Variants in SQLE observed in about 807,000 individuals in gnomAD.
The protein encoded by SQLE is squalene epoxidase, also known as squalene monooxygenase.
Under a neutral mutation model 60.7 loss-of-function variants are expected in SQLE, and 29 were observed. The observed-to-expected ratio is 0.48, with a 90% CI of 0.36 to 0.65. The LOEUF (loss-of-function observed/expected upper bound fraction) is 0.65. SQLE is among the 30% of genes least tolerant of loss of function. SQLE has a pLI of 0.00. For missense variants in SQLE, 605 were observed against 684.1 expected (o/e 0.88, Z 1.29); for synonymous variants, 237 against 246.8 (o/e 0.96, Z 0.37).
rs113578551 is a variant in SQLE, at chr8:125,016,208, T to TTCTC, written c.1205-1848_1205-1847insCTCT. Among the ~76,000 whole-genome samples, 57,951 of 151,570 alleles carry TTCTC rather than the reference T, an allele frequency of 0.38. 13,031 individuals carry two copies. Among genetic ancestry groups the TTCTC allele is most frequent in the African/African-American group, 0.62 (25,614 of 41,214 alleles). On this transcript the variant is annotated intron_variant, in intron 7 of 10. Transcript: ENST00000265896. The surrounding 1 kb of genome is among the most constrained non-coding windows in gnomAD (Gnocchi z 4.1). ...TCAAATAAACTTTCTACCCTCATCT[T>TTCTC]TCTATCTCCTTTTAAAGGCCAAGAA...
At chr8:125,000,365 G>A (rs904911498) in intron 1 of SQLE, among the ~76,000 whole-genome samples, 1 of 152,188 alleles carries the variant, frequency 6.6e-6, no homozygotes, top group African/African-American at 2.4e-5. Context: ...ATGAGTGTTC[G>A]GGCTTTTTCC....
intron 7 of SQLE, among the ~76,000 whole-genome samples, chr8:125,014,486 A>G (rs1815082000): frequency 6.6e-6 from 1 of 151,838 alleles, no homozygotes; most frequent in Non-Finnish European, 1.5e-5. Context: ...TCTGGTTGAG[A>G]TGCACTGTTA....
At position 125,022,071 on chromosome 8, in the gene SQLE, T is replaced by G; in HGVS notation, c.*126T>G. The stretch of plus-strand genomic sequence containing the variant: ...AAGTGGAAACTCTTGGACCAAGATT[T>G]GGATTAATTTGTTTTTGAAGTTTTT... On this transcript the variant is annotated 3_prime_UTR_variant, in exon 11 of 11. Coordinates refer to ENST00000265896, the MANE Select transcript of SQLE (RefSeq NM_003129.4). 2 of 608,164 alleles carry G rather than the reference T, an allele frequency of 3.3e-6. No individual in the cohort carries two copies. The highest frequency in any genetic ancestry group is 6.8e-5 in the East Asian group (2 of 29,354). 37.7% of individuals were successfully genotyped at this position (608,164 alleles called of 1,614,324 possible). A position where few individuals can be genotyped will look rare whatever the true frequency, so the allele number is the denominator to read the frequency against.
chr8:125,021,642 G>A (rs1815206972), intron 10 of SQLE, 111 bp from the exon 11 acceptor site: 2 of 740,052 alleles, frequency 2.7e-6, no homozygotes, highest in African/African-American at 1.8e-5. Context: ...ATGATGCTTG[G>A]GTAAAAAAAA....
chr8:125,006,620 CAAA>C (rs575609752), intron 3 of SQLE, among the ~76,000 whole-genome samples: 11 of 65,338 alleles, frequency 1.7e-4, no homozygotes, highest in Non-Finnish European at 2.3e-4. Context: ...GACTTGGTCT[CAAA>C]AAAAAAAAAA....
intron 10 of SQLE, among the ~76,000 whole-genome samples, chr8:125,021,543 G>T (rs906175485): frequency 6.6e-6 from 1 of 150,400 alleles, no homozygotes; most frequent in Non-Finnish European, 1.5e-5. Flanking sequence ...AAAAAAAAAG[G>T]GGGGTGGGGG....
intron 4 of SQLE, 92 bp downstream of exon 4, chr8:125,007,579 C>A: frequency 1.4e-6 from 1 of 733,458 alleles, no homozygotes. Flanking sequence ...TACCGGTTTA[C>A]ATGTTGAGTA....
rs1053269637 is a variant in SQLE at position 125,000,176 on chromosome 8, C to G, written c.291+482C>G. 26 of 391,200 alleles carry G rather than the reference C, an allele frequency of 6.6e-5. No individual in the cohort carries two copies. The Admixed American group carries it at 8.5e-4, about 13-fold the overall frequency. The allele number at this position is 391,200 out of a possible 1,614,324, so 24.2% of individuals were successfully genotyped here. On this transcript the variant is annotated intron_variant, in intron 1 of 10. Transcript: ENST00000265896. ...GCTCAACATTTTGAGGCATTGGGCT[C>G]AAAGTTCTCCTCCCCCGAATATTGG...
Position 125,021,923 on chromosome 8 carries a change from A to G in SQLE, c.1703A>G (p.Glu568Gly). The stretch of plus-strand genomic sequence containing the variant: ...GTAATATTTCCTCTAATTTACTCAG[A>G]AATGAAGTATATGGTTCATTAAGCT... ...CSVIFPLIYSEMKYMVH is the reference protein window; with the variant it reads ...CSVIFPLIYSGMKYMVH The change falls in exon 11 of 11, where the codon GAA (glutamate) becomes GGA (glycine). Residue 568 changes from glutamate (E) to glycine (G), a missense_variant. Glu to Gly is a moderately conservative substitution (Grantham distance 98). Transcript: ENST00000265896. 6.2e-7 allele frequency: 1 copy of G among 1,603,340 alleles called. No homozygotes were observed. Among genetic ancestry groups the G allele is most frequent in the Non-Finnish European group, 8.5e-7 (1 of 1,174,018 alleles).
intron 6 of SQLE, chr8:125,011,315 G>A (rs987653522): frequency 2.8e-6 from 1 of 356,306 alleles, no homozygotes; most frequent in African/African-American, 2.1e-5. Flanking sequence ...TTATATTAAT[G>A]TTCTCTTAGA....
chr8:125,003,041 C>T, intron 1 of SQLE, 135 bp from the exon 2 acceptor site: 2 of 693,628 alleles, frequency 2.9e-6, no homozygotes, highest in South Asian at 3.7e-5. Flanking sequence ...TAAAATGTAA[C>T]AATTTGTTTG....
intron 2 of SQLE, 28 bp from the exon 3 acceptor site, chr8:125,005,497 G>A (rs1383574800): frequency 6.6e-7 from 1 of 1,526,544 alleles, no homozygotes; most frequent in South Asian, 1.3e-5. Flanking sequence ...TAACAGAATT[G>A]ATTGTTTTGA....
chr8:125,002,685 C>T (rs1035027997), intron 1 of SQLE, among the ~76,000 whole-genome samples: 5 of 151,966 alleles, frequency 3.3e-5, no homozygotes, highest in Non-Finnish European at 7.4e-5. Flanking sequence ...CTCAAACAAA[C>T]AAACAAAAAA....
intron 9 of SQLE, among the ~76,000 whole-genome samples, chr8:125,019,573 AAAAC>A (rs762636603): frequency 1.2e-3 from 189 of 152,310 alleles, no homozygotes; most frequent in Non-Finnish European, 2.0e-3. Context: ...TTCATCTTCT[AAAAC>A]AAACAAACAA....
chr8:125,021,409 A>AT (rs1157789954), intron 10 of SQLE, among the ~76,000 whole-genome samples: 1 of 151,872 alleles, frequency 6.6e-6, no homozygotes, highest in Non-Finnish European at 1.5e-5. Flanking sequence ...CCATCTAGAT[A>AT]TTTCAGCGTG....
chr8:125,003,892 G>GGGGTT (rs1381523031), intron 2 of SQLE, among the ~76,000 whole-genome samples: 1 of 151,156 alleles, frequency 6.6e-6, no homozygotes, highest in African/African-American at 2.4e-5. Context: ...ATGGGGTGGT[G>GGGGTT]GGGTGGGGTG....
intron 8 of SQLE, 33 bp downstream of exon 8, chr8:125,018,234 A>G: frequency 6.2e-7 from 1 of 1,607,790 alleles, no homozygotes; most frequent in Non-Finnish European, 8.5e-7. Flanking sequence ...AAATGTCTCA[A>G]AATGGATTTA....
chr8:125,001,449 G>GGTGTGTGTGTGTGTGTGTGTGTGTGT (rs57946751), intron 1 of SQLE, among the ~76,000 whole-genome samples: 1 of 136,960 alleles, frequency 7.3e-6, no homozygotes, highest in African/African-American at 2.8e-5. Flanking sequence ...CTCCTTTCAG[G>GGTGTGTGTGTGTGTGTGTGTGTGTGT]GTGTGTGTGT....
chr8:125,004,565 A>G (rs1400308946), intron 2 of SQLE, among the ~76,000 whole-genome samples: 1 of 151,780 alleles, frequency 6.6e-6, no homozygotes, highest in Non-Finnish European at 1.5e-5. Context: ...ATTTTTACTT[A>G]ATTTTTTTTA....
Sources: gnomAD v4.1 joint callset for allele counts (sites outside exome capture counted in the v4.1 genomes callset) on GRCh38, gnomAD v4.1.1 for gene constraint, Gnocchi (gnomAD v3.1) non-coding constraint, MANE v1.5 for transcripts, NCBI Gene and HGNC (gene_info 2026-07-23, HGNC 2026-07-21) for gene names.